ATP13A4: variants seen among roughly 807,000 people sequenced by gnomAD.
ATP13A4 encodes probable cation-transporting ATPase 13A4.
Under a neutral mutation model 142.5 loss-of-function variants are expected in ATP13A4, and 114 were observed. That is an observed-to-expected ratio of 0.80 (90% CI 0.69 to 0.93). The LOEUF (loss-of-function observed/expected upper bound fraction) is 0.93. ATP13A4 is among the 40% of genes least tolerant of loss of function. The probability of loss-of-function intolerance (pLI) is 0.00; values close to 1 mark genes in which losing one functional copy is unlikely to be tolerated. For missense variants in ATP13A4, 1,392 were observed against 1,454.0 expected (o/e 0.96, Z 0.69); for synonymous variants, 488 against 514.8 (o/e 0.95, Z 0.70).
intron 8 of ATP13A4, among the ~76,000 whole-genome samples, chr3:193,476,203 A>G (rs1718954791): frequency 6.6e-6 from 1 of 152,102 alleles, no homozygotes; most frequent in East Asian, 1.9e-4. Context: ...CACCATTAAA[A>G]TGAGTACTTG....
intron 24 of ATP13A4, among the ~76,000 whole-genome samples, chr3:193,435,068 AT>A (rs1716187888): frequency 6.6e-6 from 1 of 152,188 alleles, no homozygotes; most frequent in African/African-American, 2.4e-5. Flanking sequence ...ATTTTTCTAC[AT>A]TTTACTGCTA....
At chr3:193,452,641 T>C (rs1357634033) in intron 17 of ATP13A4, among the ~76,000 whole-genome samples, 1 of 149,280 alleles carries the variant, frequency 6.7e-6, no homozygotes, top group East Asian at 2.0e-4. Flanking sequence ...ATAATTATCC[T>C]GCATCACACA....
chr3:193,418,335 T>C (rs551658711), intron 25 of ATP13A4, among the ~76,000 whole-genome samples: 9 of 143,534 alleles, frequency 6.3e-5, no homozygotes, highest in Non-Finnish European at 1.1e-4. Flanking sequence ...AAAAAAGAAA[T>C]TAAAGTCAAC....
At position 193,402,560 on chromosome 3, in the gene ATP13A4, G is replaced by A. The variant is rs774643886; in HGVS notation, c.*92C>T. ...GATAGGTAGCCCCAAAACTCCAGCT[G>A]ATGTTACAAGAGTCTCATTTCTTAA... On this transcript the variant is annotated 3_prime_UTR_variant, in exon 30 of 30. Transcript: ENST00000342695. The A allele has an allele frequency of 5.4e-6, 4 of 735,102 alleles. No homozygotes were observed. In the East Asian group the frequency reaches 7.5e-5, roughly 14 times the overall value. 45.5% of individuals were successfully genotyped at this position (735,102 alleles called of 1,614,324 possible).
intron 2 of ATP13A4, among the ~76,000 whole-genome samples, chr3:193,503,897 T>C (rs1720700138): frequency 6.6e-6 from 1 of 152,074 alleles, no homozygotes; most frequent in Non-Finnish European, 1.5e-5. Context: ...CATTTTACCC[T>C]TTGCCTATCC....
chr3:193,441,638 T>C, intron 19 of ATP13A4, 50 bp from the exon 20 acceptor site: 1 of 1,595,706 alleles, frequency 6.3e-7, no homozygotes. Flanking sequence ...GACAGAGTGG[T>C]TAGAACCATA....
intron 25 of ATP13A4, among the ~76,000 whole-genome samples, chr3:193,425,187 T>C (rs553854020): frequency 3.8e-4 from 57 of 151,640 alleles, no homozygotes; most frequent in African/African-American, 1.4e-3. Context: ...TTAGAACAGC[T>C]ATTATCAAAA....
chr3:193,537,731 T>C (rs1722662128), intron 1 of ATP13A4, among the ~76,000 whole-genome samples: 1 of 152,064 alleles, frequency 6.6e-6, no homozygotes, highest in African/African-American at 2.4e-5. Flanking sequence ...GAGTGAATGG[T>C]TAAATCAACC....
At chr3:193,460,556 C>T (rs987532755) in intron 13 of ATP13A4, among the ~76,000 whole-genome samples, 3 of 152,196 alleles carry the variant, frequency 2.0e-5, no homozygotes, top group Non-Finnish European at 4.4e-5. Context: ...AGCAGCTCAT[C>T]TTGGTGGTTT....
At chr3:193,524,811 T>C (rs1721909045) in intron 1 of ATP13A4, among the ~76,000 whole-genome samples, 1 of 152,180 alleles carries the variant, frequency 6.6e-6, no homozygotes, top group Non-Finnish European at 1.5e-5. Context: ...ATGGGGGAAA[T>C]TAGACTTCAG....
At chr3:193,581,366 G>A (rs2174321) in intron 2 of ATP13A4, among the ~76,000 whole-genome samples, 65,447 of 151,958 alleles carry the variant, frequency 0.43, 14,330 homozygotes, top group Non-Finnish European at 0.44. Flanking sequence ...TTTGTAGTGC[G>A]TGCTGATTTC....
intron 21 of ATP13A4, chr3:193,440,316 T>C: frequency 1.7e-6 from 1 of 603,198 alleles, no homozygotes; most frequent in Non-Finnish European, 2.7e-6. Flanking sequence ...AATGCAAAAT[T>C]GACTTAAGTG....
At chr3:193,592,319 T>G (rs1724839423) in intron 1 of ATP13A4, among the ~76,000 whole-genome samples, 2 of 152,030 alleles carry the variant, frequency 1.3e-5, no homozygotes, top group African/African-American at 4.8e-5. Context: ...AAAGGAGTAT[T>G]TAAAGTGATG....
chr3:193,463,639 T>G (rs1718090164), intron 12 of ATP13A4, among the ~76,000 whole-genome samples: 1 of 152,074 alleles, frequency 6.6e-6, no homozygotes, highest in South Asian at 2.1e-4. Flanking sequence ...ATATCTAGCA[T>G]ACAGTAAAAG....
At chr3:193,436,533 T>C (rs1363942299) in intron 23 of ATP13A4, among the ~76,000 whole-genome samples, 2 of 151,944 alleles carry the variant, frequency 1.3e-5, no homozygotes, top group Non-Finnish European at 2.9e-5. Flanking sequence ...CTGCAACCTC[T>C]GCCTACCAGG....
intron 1 of ATP13A4, among the ~76,000 whole-genome samples, chr3:193,552,267 C>T (rs1723623403): frequency 1.3e-5 from 2 of 152,276 alleles, no homozygotes; most frequent in South Asian, 4.1e-4. Flanking sequence ...CCACCATGCC[C>T]AGCCTGTTTT....
chr3:193,482,460 G>C (rs1719350711), intron 8 of ATP13A4, among the ~76,000 whole-genome samples: 1 of 152,080 alleles, frequency 6.6e-6, no homozygotes, highest in Admixed American at 6.6e-5. Flanking sequence ...GAAAAACACT[G>C]TAAAGAGAAT....
chr3:193,429,422 T>G (rs1460085551), intron 25 of ATP13A4, among the ~76,000 whole-genome samples: 1 of 152,044 alleles, frequency 6.6e-6, no homozygotes, highest in South Asian at 2.1e-4. Context: ...AATGGATAGA[T>G]AAAATGTGGT....
chr3:193,591,557 G>A (rs1176942595), intron 1 of ATP13A4, among the ~76,000 whole-genome samples: 1 of 152,168 alleles, frequency 6.6e-6, no homozygotes, highest in East Asian at 1.9e-4. Flanking sequence ...TATGTGTCTA[G>A]TTCCTATACA....
Sources: allele counts gnomAD v4.1 joint callset (sites outside exome capture counted in the v4.1 genomes callset), GRCh38; gene constraint gnomAD v4.1.1; transcripts MANE v1.5; gene names NCBI Gene and HGNC (gene_info 2026-07-23, HGNC 2026-07-21).